Variants in KBTBD11 observed in about 807,000 individuals in gnomAD.
The protein encoded by KBTBD11 is kelch repeat and BTB domain containing 11, also known as kelch repeat and BTB domain-containing protein 11.
For missense variants in KBTBD11, 1,390 were observed against 1,001.8 expected (o/e 1.39, Z -5.23); for synonymous variants, 747 against 499.0 (o/e 1.50, Z -6.63).
chr8:1,998,663 A>G (rs1018561195), intron 1 of KBTBD11, among the ~76,000 whole-genome samples: 3 of 152,228 alleles, frequency 2.0e-5, no homozygotes, highest in Non-Finnish European at 2.9e-5. Context: ...TGTATCTTAC[A>G]GAAGCAGTGT....
rs573426044 is a variant in KBTBD11 at position 1,978,948 on chromosome 8, G to C, written c.-909+5013G>C. ...GCAAAGGCTGGTGTTCCAAAGCAAT[G>C]AGAGACCCACCCCCAGCCCACAGTG... On this transcript the variant is annotated intron_variant, in intron 1 of 1. Transcript: ENST00000320248. Among the ~76,000 whole-genome samples the C allele has an allele frequency of 1.4e-4, 21 of 152,306 alleles. No homozygotes were observed. In the South Asian group the frequency reaches 4.4e-3, roughly 32 times the overall value.
At chr8:1,982,876 C>G (rs1364719175) in intron 1 of KBTBD11, among the ~76,000 whole-genome samples, 2 of 152,068 alleles carry the variant, frequency 1.3e-5, no homozygotes, top group East Asian at 1.9e-4. Context: ...TAGGCACACA[C>G]CACCATGCCC....
chr8:1,979,863 C>T (rs1169094357), intron 1 of KBTBD11, among the ~76,000 whole-genome samples: 1 of 152,248 alleles, frequency 6.6e-6, no homozygotes, highest in Non-Finnish European at 1.5e-5. Context: ...ACACTCCTGG[C>T]TGCACCCTCT....
chr8:1,979,904 T>C (rs1218323151), intron 1 of KBTBD11, among the ~76,000 whole-genome samples: 1 of 152,220 alleles, frequency 6.6e-6, no homozygotes, highest in East Asian at 1.9e-4. Context: ...GGAGTCCCTC[T>C]TCCTTTCCAT....
intron 1 of KBTBD11, among the ~76,000 whole-genome samples, chr8:1,987,770 A>G (rs1816753412): frequency 6.7e-6 from 1 of 150,134 alleles, no homozygotes; most frequent in African/African-American, 2.4e-5. Context: ...TCTAGGGTAC[A>G]TGTGCACAAC....
intron 1 of KBTBD11, among the ~76,000 whole-genome samples, chr8:1,997,623 G>A (rs1322575083): frequency 6.6e-6 from 1 of 152,250 alleles, no homozygotes; most frequent in Non-Finnish European, 1.5e-5. Flanking sequence ...AGCCCCTGAT[G>A]CAGCCTTGCT....
chr8:1,988,657 G>T (rs1816778150), intron 1 of KBTBD11, among the ~76,000 whole-genome samples: 1 of 152,150 alleles, frequency 6.6e-6, no homozygotes. Context: ...GTCTCTTCAA[G>T]CCTTTGTCCT....
intron 1 of KBTBD11, among the ~76,000 whole-genome samples, chr8:1,988,360 C>T (rs868427127): frequency 1.8e-4 from 28 of 152,278 alleles, no homozygotes; most frequent in East Asian, 9.7e-4. Context: ...AGTGTAAAAG[C>T]GTTCCTGTTT....
In KBTBD11 at chr8:2,002,032, G is replaced by A. The variant is rs776749551; in HGVS notation, c.840G>A (p.Glu280=). The A allele has an allele frequency of 1.2e-5, 16 of 1,340,986 alleles. No homozygotes were observed. In the South Asian group the frequency reaches 1.5e-4, roughly 12 times the overall value. 83.1% of individuals were successfully genotyped at this position (1,340,986 alleles called of 1,614,324 possible). ...TGTTCGGCCGCCTGTCGGGCGCAGA[G>A]CGGGACCTGCTGCTGCGCCGCCGCC... ...PAVFGRLSGA[E]RDLLLRRRLR... The change falls in exon 2 of 2, where the codon GAG becomes GAA. Residue 280 remains glutamate (E), a synonymous_variant. Coordinates refer to ENST00000320248, the MANE Select transcript of KBTBD11 (RefSeq NM_014867.3). The surrounding 1 kb of genome is among the most constrained non-coding windows in gnomAD (Gnocchi z 4.1).
intron 1 of KBTBD11, among the ~76,000 whole-genome samples, chr8:1,988,385 C>T (rs994428558): frequency 5.9e-5 from 9 of 152,198 alleles, no homozygotes; most frequent in Non-Finnish European, 1.3e-4. Flanking sequence ...ACATCCTCTC[C>T]AGCACCTGTT....
chr8:1,991,512 G>T (rs1816915497), intron 1 of KBTBD11, among the ~76,000 whole-genome samples: 1 of 152,230 alleles, frequency 6.6e-6, no homozygotes, highest in Non-Finnish European at 1.5e-5. Context: ...TTCTTCTGCT[G>T]GAGATAATGA....
intron 1 of KBTBD11, among the ~76,000 whole-genome samples, chr8:1,978,079 T>A (rs1322168650): frequency 6.6e-6 from 1 of 152,190 alleles, no homozygotes; most frequent in African/African-American, 2.4e-5. Flanking sequence ...CATGGTGGTT[T>A]GTTGCACCTG....
Position 1,985,345 on chromosome 8 carries a change from G to A in KBTBD11, c.-909+11410G>A, listed in dbSNP as rs148923708. Among the ~76,000 whole-genome samples, 43 of 152,364 alleles carry A rather than the reference G, an allele frequency of 2.8e-4. 1 individual carries two copies. The highest frequency in any genetic ancestry group is 9.1e-4 in the African/African-American group (38 of 41,590). ...GCAGAGAGGCAGCCTGCCTGACCTGGCCGACTCCCGCGCCACCTGGCTTTA... is the reference window on the plus strand; with the variant it reads ...GCAGAGAGGCAGCCTGCCTGACCTGACCGACTCCCGCGCCACCTGGCTTTA... On this transcript the variant is annotated intron_variant, in intron 1 of 1. Coordinates refer to ENST00000320248, the MANE Select transcript of KBTBD11 (RefSeq NM_014867.3).
chr8:1,990,063 T>C (rs1816854856), intron 1 of KBTBD11, among the ~76,000 whole-genome samples: 1 of 152,124 alleles, frequency 6.6e-6, no homozygotes, highest in Non-Finnish European at 1.5e-5. Flanking sequence ...TTAGTATTTC[T>C]GTGCATTGAG....
At chr8:1,983,137 G>A (rs1182405183) in intron 1 of KBTBD11, among the ~76,000 whole-genome samples, 1 of 152,178 alleles carries the variant, frequency 6.6e-6, no homozygotes, top group Non-Finnish European at 1.5e-5. Flanking sequence ...GAGGCCATGA[G>A]TTGGATGGAC....
chr8:1,978,637 C>G (rs1816432877), intron 1 of KBTBD11, among the ~76,000 whole-genome samples: 1 of 152,192 alleles, frequency 6.6e-6, no homozygotes. Flanking sequence ...GTTGCTTCCC[C>G]CTCAGTCCCT....
At chr8:1,991,076 C>T (rs1585740739) in intron 1 of KBTBD11, among the ~76,000 whole-genome samples, 1 of 138,978 alleles carries the variant, frequency 7.2e-6, no homozygotes, top group African/African-American at 2.8e-5. Context: ...GCTGCGGGGC[C>T]TTGGCGCCCT....
At chr8:1,984,636 G>A (rs1241490674) in intron 1 of KBTBD11, among the ~76,000 whole-genome samples, 1 of 148,888 alleles carries the variant, frequency 6.7e-6, no homozygotes, top group Non-Finnish European at 1.5e-5. Flanking sequence ...CACATGAACA[G>A]CTAGGTGAGT....
chr8:1,993,363 ATCCGTCCGTCCGTCCG>A (rs1165431763), intron 1 of KBTBD11, among the ~76,000 whole-genome samples: 6 of 143,150 alleles, frequency 4.2e-5, no homozygotes, highest in African/African-American at 1.3e-4. Flanking sequence ...CCATCGGTCC[ATCCGTCCGTCCGTCCG>A]TCCGTCCGTC....
Sources: allele counts gnomAD v4.1 joint callset (sites outside exome capture counted in the v4.1 genomes callset), GRCh38; gene constraint gnomAD v4.1.1; non-coding constraint Gnocchi (gnomAD v3.1); transcripts MANE v1.5; gene names NCBI Gene and HGNC (gene_info 2026-07-23, HGNC 2026-07-21).